MCC: variants seen among roughly 807,000 people sequenced by gnomAD.
MCC encodes MCC regulator of Wnt signaling pathway, also known as colorectal mutant cancer protein.
A neutral mutation model predicts 116.2 loss-of-function variants in MCC; 90 were observed. That is an observed-to-expected ratio of 0.77 (90% CI 0.65 to 0.92). MCC has a LOEUF of 0.92. Among genes scored for constraint, MCC ranks in the 40% least tolerant of loss-of-function variants. The probability of loss-of-function intolerance (pLI) is 0.00; values close to 1 mark genes in which losing one functional copy is unlikely to be tolerated. For synonymous variants in MCC, 578 were observed against 510.5 expected, an observed-to-expected ratio of 1.13 and a Z score of -1.78; for missense variants, 1,516 against 1,312.2, an observed-to-expected ratio of 1.16 and a Z score of -2.40.
At chr5:113,183,142 T>C (rs1484288810) in intron 3 of MCC, among the ~76,000 whole-genome samples, 4 of 152,202 alleles carry the variant, frequency 2.6e-5, no homozygotes, top group African/African-American at 9.6e-5. Flanking sequence ...CAGTGGGGGC[T>C]CCAGATCTCT....
At chr5:113,137,586 G>T (rs1425869986) in intron 5 of MCC, among the ~76,000 whole-genome samples, 1 of 152,012 alleles carries the variant, frequency 6.6e-6, no homozygotes, top group Non-Finnish European at 1.5e-5. Flanking sequence ...TGTTGCATTT[G>T]GTTTGCTAGT....
intron 1 of MCC, chr5:113,400,011 T>C (rs549957894): frequency 6.6e-6 from 1 of 152,304 alleles, no homozygotes; most frequent in Non-Finnish European, 1.5e-5. Context: ...TGAAGTATTA[T>C]GTTTACATGT....
chr5:113,486,840 TA>T lies in MCC; in HGVS notation c.170+1404del, dbSNP rs35192466. ...CTGGGTGATAGAGCGAGATTCTGTC[TA>T]AAAAAAAAAAAAATTGTATCCAAAG... On this transcript the variant is annotated intron_variant, in intron 1 of 18. Transcript: ENST00000408903. Among the ~76,000 whole-genome samples, 55 of 145,148 alleles carry T rather than the reference TA, an allele frequency of 3.8e-4. 1 individual carries two copies. Among genetic ancestry groups the T allele is most frequent in the Admixed American group, 1.2e-3 (18 of 14,612 alleles).
intron 3 of MCC, among the ~76,000 whole-genome samples, chr5:113,200,007 T>C (rs1056195873): frequency 6.6e-6 from 1 of 152,152 alleles, no homozygotes; most frequent in African/African-American, 2.4e-5. Flanking sequence ...TGTGAGACAC[T>C]AGAATGATGG....
chr5:113,079,884 G>T (rs2150240851), intron 11 of MCC, among the ~76,000 whole-genome samples: 1 of 152,282 alleles, frequency 6.6e-6, no homozygotes, highest in East Asian at 1.9e-4. Flanking sequence ...TACAGAATGG[G>T]AGAACATTTT....
At chr5:113,481,881 T>C (rs1772388105) in intron 1 of MCC, among the ~76,000 whole-genome samples, 1 of 152,238 alleles carries the variant, frequency 6.6e-6, no homozygotes, top group East Asian at 1.9e-4. Context: ...TAGAACACTT[T>C]TGTCATTTCA....
At chr5:113,382,117 A>T (rs1467951692) in intron 2 of MCC, among the ~76,000 whole-genome samples, 1 of 152,210 alleles carries the variant, frequency 6.6e-6, no homozygotes, top group African/African-American at 2.4e-5. Flanking sequence ...GAAATAAGGC[A>T]GTACTAATGG....
In MCC at chr5:113,340,803, A is replaced by G. The variant is rs1005115679; in HGVS notation, c.416-73T>C. 2.5e-6 allele frequency: 3 copies of G among 1,210,624 alleles called. No individual in the cohort carries two copies. In the African/African-American group the frequency reaches 4.5e-5, roughly 18 times the overall value. 75.0% of individuals were successfully genotyped at this position (1,210,624 alleles called of 1,614,324 possible). A position where few individuals can be genotyped will look rare whatever the true frequency, so the allele number is the denominator to read the frequency against. On this transcript the variant is annotated intron_variant, in intron 2 of 18. Transcript: ENST00000408903. ...GCCTGTGGGTGGCCAATAGGCAATG[A>G]TTTGGAACCTCCTAAGCCTTCCATG...
intron 5 of MCC, among the ~76,000 whole-genome samples, chr5:113,139,074 C>T (rs183932390): frequency 1.3e-5 from 2 of 152,224 alleles, no homozygotes; most frequent in Non-Finnish European, 2.9e-5. Context: ...TCAAGCTTAG[C>T]CACTACAACT....
intron 3 of MCC, among the ~76,000 whole-genome samples, chr5:113,183,407 G>A (rs186328581): frequency 7.2e-5 from 11 of 152,224 alleles, no homozygotes; most frequent in African/African-American, 2.4e-4. Context: ...GAGAAAATTT[G>A]TCAGACTCCT....
At chr5:113,173,517 A>C (rs1446856772) in intron 3 of MCC, among the ~76,000 whole-genome samples, 2 of 152,204 alleles carry the variant, frequency 1.3e-5, no homozygotes, top group African/African-American at 4.8e-5. Context: ...AGGTCACTGT[A>C]AAGATTTGTT....
rs374164132 is a variant in MCC, at chr5:113,049,085, G to A, written c.2655+8C>T. On this transcript the variant is annotated splice_region_variant and intron_variant, in intron 16 of 18. Transcript: ENST00000408903. Reference sequence around the variant, plus strand: ...CCTAAGGGTGTCCCCAAGCCACTCCGGCCCTACCTTGCCAGGTTTGTCTTT... The same window carrying A: ...CCTAAGGGTGTCCCCAAGCCACTCCAGCCCTACCTTGCCAGGTTTGTCTTT... 2.7e-5 allele frequency: 44 copies of A among 1,613,912 alleles called. No individual in the cohort carries two copies. The highest frequency in any genetic ancestry group is 1.2e-4 in the African/African-American group (9 of 74,896).
rs983103049 is a variant in MCC, at chr5:113,454,817, C to A, written c.170+33428G>T. 1.9e-4 allele frequency among the ~76,000 whole-genome samples: 29 copies of A among 152,158 alleles called. 1 individual carries two copies. Among genetic ancestry groups the A allele is most frequent in the African/African-American group, 6.3e-4 (26 of 41,488 alleles). On this transcript the variant is annotated intron_variant, in intron 1 of 18. Transcript: ENST00000408903. Reference sequence around the variant, plus strand: ...AAAATATTTTGCCTATTTTGTTAAACCTAATATAGTACTAGAAAATGTTCA... The same window carrying A: ...AAAATATTTTGCCTATTTTGTTAAAACTAATATAGTACTAGAAAATGTTCA...
chr5:113,132,439 TATATACACAC>T (rs748788691), intron 5 of MCC, among the ~76,000 whole-genome samples: 42 of 63,934 alleles, frequency 6.6e-4, no homozygotes, highest in African/African-American at 9.0e-4. Flanking sequence ...TATATATATA[TATATACACAC>T]ACACACACAC....
Position 113,022,853 on chromosome 5 carries a change from A to G in MCC, c.*4449T>C, listed in dbSNP as rs1345351512. 2.0e-5 allele frequency: 3 copies of G among 152,226 alleles called. No individual in the cohort carries two copies. Among genetic ancestry groups the G allele is most frequent in the African/African-American group, 4.8e-5 (2 of 41,464 alleles). The allele number at this position is 152,226 out of a possible 1,614,324, so 9.4% of individuals were successfully genotyped here. ...GATGTGGTTTTACATAGCAGTTGCT[A>G]TTTCCGGGACTGAATGATTTCTTCC... On this transcript the variant is annotated 3_prime_UTR_variant, in exon 19 of 19. Coordinates refer to ENST00000408903, the MANE Select transcript of MCC (RefSeq NM_001085377.2).
intron 3 of MCC, among the ~76,000 whole-genome samples, chr5:113,291,362 C>A (rs183289296): frequency 1.1e-3 from 169 of 152,284 alleles, no homozygotes; most frequent in African/African-American, 3.9e-3. Context: ...CAGCAGATGA[C>A]AACCAGAAAT....
rs1766965136 is a variant in MCC, at chr5:113,305,477, A to G, written c.627+35042T>C. Among the ~76,000 whole-genome samples, 5 of 152,348 alleles carry G rather than the reference A, an allele frequency of 3.3e-5. No individual in the cohort carries two copies. In the South Asian group the frequency reaches 8.3e-4, roughly 25 times the overall value. On this transcript the variant is annotated intron_variant, in intron 3 of 18. Transcript: ENST00000408903. ...CAAAAACCAACTTTAATTGCAGCTT[A>G]CAAATTTGTGTAAATGGAATCATAG... is the stretch of plus-strand genomic sequence containing the variant.
intron 3 of MCC, among the ~76,000 whole-genome samples, chr5:113,307,167 C>T (rs745351107): frequency 1.3e-5 from 2 of 152,248 alleles, no homozygotes; most frequent in East Asian, 1.9e-4. Context: ...ATTTTAGGAT[C>T]AGCTTGTTAT....
intron 3 of MCC, among the ~76,000 whole-genome samples, chr5:113,209,411 T>C (rs1487978048): frequency 6.6e-6 from 1 of 152,210 alleles, no homozygotes; most frequent in Non-Finnish European, 1.5e-5. Flanking sequence ...ACGGTGCCGA[T>C]GGCAATTCCA....
Sources: allele counts gnomAD v4.1 joint callset (sites outside exome capture counted in the v4.1 genomes callset), GRCh38; gene constraint gnomAD v4.1.1; transcripts MANE v1.5; gene names NCBI Gene and HGNC (gene_info 2026-07-23, HGNC 2026-07-21).